The following RNGTT variants were observed in gnomAD, a reference collection of about 807,000 sequenced individuals.
The protein encoded by RNGTT is RNA guanylyltransferase and 5'-phosphatase, also known as mRNA-capping enzyme.
RNGTT carries 33 observed loss-of-function variants against 79.3 expected under a neutral mutation model. The ratio of observed to expected loss-of-function variants is 0.42; its 90% CI spans 0.32 to 0.56. RNGTT has a LOEUF of 0.56. Ranked by LOEUF, RNGTT falls within the 20% of genes least tolerant of loss-of-function variation. The pLI is 0.17. For missense variants in RNGTT, 497 were observed against 739.1 expected (o/e 0.67, Z 3.80); for synonymous variants, 222 against 235.9 (o/e 0.94, Z 0.54).
intron 5 of RNGTT, among the ~76,000 whole-genome samples, chr6:88,905,165 T>A (rs1783611166): frequency 6.6e-6 from 1 of 152,202 alleles, no homozygotes; most frequent in Non-Finnish European, 1.5e-5. Flanking sequence ...CAGAAAATTC[T>A]GAAATTCTAA....
At chr6:88,750,441 C>T (rs1323071987) in intron 13 of RNGTT, among the ~76,000 whole-genome samples, 1 of 152,062 alleles carries the variant, frequency 6.6e-6, no homozygotes, top group Non-Finnish European at 1.5e-5. Flanking sequence ...ACTGACAGTA[C>T]CTCATTGGAT....
At chr6:88,818,664 G>A (rs1220166573) in intron 11 of RNGTT, among the ~76,000 whole-genome samples, 2 of 152,144 alleles carry the variant, frequency 1.3e-5, no homozygotes, top group Non-Finnish European at 2.9e-5. Flanking sequence ...ATAAAATAAG[G>A]CTATGAAATT....
intron 4 of RNGTT, among the ~76,000 whole-genome samples, chr6:88,911,468 C>T (rs1048003539): frequency 2.7e-4 from 41 of 152,122 alleles, no homozygotes; most frequent in Non-Finnish European, 4.4e-5. Flanking sequence ...TTGTAGCACG[C>T]AGATTCATAA....
chr6:88,930,539 G>T (rs986783321), intron 2 of RNGTT, among the ~76,000 whole-genome samples: 1 of 151,186 alleles, frequency 6.6e-6, no homozygotes, highest in African/African-American at 2.4e-5. Flanking sequence ...TAAAAACAAG[G>T]TAAATTGTTT....
At chr6:88,717,918 C>A (rs1331937976) in intron 13 of RNGTT, among the ~76,000 whole-genome samples, 1 of 152,084 alleles carries the variant, frequency 6.6e-6, no homozygotes, top group Non-Finnish European at 1.5e-5. Context: ...ACAGAGAAGG[C>A]TGAGTGGGGG....
At chr6:88,962,834 G>A (rs1348691786) in intron 1 of RNGTT, among the ~76,000 whole-genome samples, 2 of 152,186 alleles carry the variant, frequency 1.3e-5, no homozygotes, top group African/African-American at 4.8e-5. Flanking sequence ...GGGAGGCTGA[G>A]GTGGGAGGAT....
At chr6:88,679,616 C>T (rs1026988070) in intron 13 of RNGTT, among the ~76,000 whole-genome samples, 4 of 152,234 alleles carry the variant, frequency 2.6e-5, no homozygotes, top group African/African-American at 9.6e-5. Flanking sequence ...CTGCATTATC[C>T]CTTCCTTCTT....
intron 11 of RNGTT, among the ~76,000 whole-genome samples, chr6:88,822,265 C>T (rs1780519078): frequency 6.6e-6 from 1 of 152,090 alleles, no homozygotes; most frequent in African/African-American, 2.4e-5. Context: ...TGGATTTCCC[C>T]TCGAGATGAT....
chr6:88,943,312 CT>C (rs965835021), intron 1 of RNGTT, among the ~76,000 whole-genome samples: 7 of 152,174 alleles, frequency 4.6e-5, no homozygotes, highest in African/African-American at 1.4e-4. Flanking sequence ...TAACATCATT[CT>C]TTTAGCAGCT....
At chr6:88,741,705 T>C (rs893359198) in intron 13 of RNGTT, among the ~76,000 whole-genome samples, 22 of 152,178 alleles carry the variant, frequency 1.4e-4, no homozygotes, top group African/African-American at 4.6e-4. Flanking sequence ...AATGAAGTCT[T>C]CGAAAGCACA....
At chr6:88,845,316 C>G (rs1367401280) in intron 10 of RNGTT, among the ~76,000 whole-genome samples, 1 of 152,194 alleles carries the variant, frequency 6.6e-6, no homozygotes, top group Non-Finnish European at 1.5e-5. Flanking sequence ...AAATAGTACT[C>G]TCCCTCAAAT....
chr6:88,919,821 C>T (rs1582131050), intron 4 of RNGTT, among the ~76,000 whole-genome samples: 1 of 142,928 alleles, frequency 7.0e-6, no homozygotes, highest in Non-Finnish European at 1.5e-5. Context: ...CTCCTGAGTA[C>T]CTGGGATTAC....
At chr6:88,857,506 A>G (rs1295900594) in intron 8 of RNGTT, among the ~76,000 whole-genome samples, 2 of 152,210 alleles carry the variant, frequency 1.3e-5, no homozygotes, top group Non-Finnish European at 2.9e-5. Context: ...TATGTACAAC[A>G]AAGTTCATCA....
intron 14 of RNGTT, among the ~76,000 whole-genome samples, chr6:88,618,178 C>G (rs889958921): frequency 1.3e-5 from 2 of 152,140 alleles, no homozygotes; most frequent in Admixed American, 1.3e-4. Flanking sequence ...ACAGAGCTTT[C>G]CAGAAAATGC....
chr6:88,810,509 G>C (rs1780102441), intron 11 of RNGTT, among the ~76,000 whole-genome samples: 1 of 152,170 alleles, frequency 6.6e-6, no homozygotes, highest in African/African-American at 2.4e-5. Context: ...GCCTTTGAGA[G>C]AAGAGTCTGT....
rs559650182 is a variant in RNGTT at position 88,639,423 on chromosome 6, A to G, written c.1507-25028T>C. On this transcript the variant is annotated intron_variant, in intron 14 of 15. Transcript: ENST00000369485. ...CATGAAAAATTTCAGTGGCAAGTAA[A>G]GATATACACAGGCAAAATCTCAAAA... is the stretch of plus-strand genomic sequence containing the variant. Among the ~76,000 whole-genome samples, 11 of 152,320 alleles carry G rather than the reference A, an allele frequency of 7.2e-5. No individual in the cohort carries two copies. The South Asian group carries it at 2.3e-3, about 32-fold the overall frequency.
At chr6:88,890,634 T>A in intron 7 of RNGTT, 38 bp from the exon 8 acceptor site, 1 of 1,438,560 alleles carries the variant, frequency 7.0e-7, no homozygotes, top group Non-Finnish European at 9.7e-7. Context: ...GTGGCTGGTA[T>A]CCATACAAAG....
At chr6:88,809,477 G>GA (rs1413266260) in intron 11 of RNGTT, among the ~76,000 whole-genome samples, 1 of 151,814 alleles carries the variant, frequency 6.6e-6, no homozygotes, top group African/African-American at 2.4e-5. Context: ...CCCAAACCAG[G>GA]AAAAAATGCT....
At chr6:88,650,319 CA>C (rs1320229544) in intron 14 of RNGTT, among the ~76,000 whole-genome samples, 6 of 152,164 alleles carry the variant, frequency 3.9e-5, no homozygotes, top group Non-Finnish European at 8.8e-5. Context: ...TGATTATTCT[CA>C]CAGTCACTGC....
Sources: gnomAD v4.1 joint callset for allele counts (sites outside exome capture counted in the v4.1 genomes callset) on GRCh38, gnomAD v4.1.1 for gene constraint, MANE v1.5 for transcripts, NCBI Gene and HGNC (gene_info 2026-07-23, HGNC 2026-07-21) for gene names.